Variants in ZNF99 observed in about 807,000 individuals in gnomAD.
The protein encoded by ZNF99 is zinc finger protein ENSP00000375192.
A neutral mutation model predicts 12.8 loss-of-function variants in ZNF99; 8 were observed. The ratio of observed to expected loss-of-function variants is 0.62; its 90% CI spans 0.37 to 1.13. The LOEUF is 1.13. Ranked by LOEUF, ZNF99 falls within the 50% of genes most tolerant of loss-of-function variation. The pLI is 0.02. For missense variants in ZNF99, 1,007 were observed against 1,006.2 expected (o/e 1.00, Z -0.01); for synonymous variants, 318 against 319.0 (o/e 1.00, Z 0.03).
intron 1 of ZNF99, among the ~76,000 whole-genome samples, chr19:22,783,070 G>A (rs1385455198): frequency 2.0e-5 from 3 of 151,934 alleles, no homozygotes; most frequent in Non-Finnish European, 2.9e-5. Context: ...ACCTGACGTC[G>A]GGAGTTCGAG....
In ZNF99 at chr19:22,780,807, T is replaced by C. The variant is rs76665224; in HGVS notation, c.3+3207A>G. On this transcript the variant is annotated intron_variant, in intron 1 of 3. Transcript: ENST00000596209. ...AAAGTAATAGGATACAGAATAGAGA[T>C]AGTCACTGTTACAAATTTACCCTGC... 5.7e-3 allele frequency among the ~76,000 whole-genome samples: 854 copies of C among 150,886 alleles called. 10 individuals carry two copies. The highest frequency in any genetic ancestry group is 0.017 in the African/African-American group (702 of 41,412).
rs757219597 is a variant in ZNF99, at chr19:22,757,231, T to C, written c.*83A>G. 4 of 1,588,014 alleles carry C rather than the reference T, an allele frequency of 2.5e-6. No individual in the cohort carries two copies. The highest frequency in any genetic ancestry group is 2.6e-6 in the Non-Finnish European group (3 of 1,162,586). On this transcript the variant is annotated 3_prime_UTR_variant, in exon 4 of 4. Transcript: ENST00000596209. ...TGTATGGTTTCTTCCCAGTATAAAT[T>C]ATCTTATGTTTCCTAAGGGTTGAGG...
chr19:22,758,284 C>T lies in ZNF99; in HGVS notation c.1625G>A (p.Cys542Tyr). The change falls in exon 4 of 4, where the codon TGT (cysteine) becomes TAT (tyrosine). Residue 542 changes from cysteine to tyrosine, a missense_variant. Physicochemically the swap from Cys to Tyr is radical, Grantham distance 194. Transcript: ENST00000596209. ...TGKKPYKCEE[C>Y]GKAFNNSSTL... is the part of the protein sequence containing the mutation. ...TGAGGAATTGTTAAAAGCTTTGCCA[C>T]ATTCTTCACATTTGTAGGGTTTCTT... 4 of 1,609,638 alleles carry T rather than the reference C, an allele frequency of 2.5e-6. No homozygotes were observed. The highest frequency in any genetic ancestry group is 3.4e-6 in the Non-Finnish European group (4 of 1,176,964).
intron 1 of ZNF99, among the ~76,000 whole-genome samples, chr19:22,773,046 C>G (rs1291391955): frequency 6.6e-6 from 1 of 152,176 alleles, no homozygotes; most frequent in African/African-American, 2.4e-5. Context: ...CGGCTGTTTG[C>G]TGCCCTGTGA....
intron 1 of ZNF99, among the ~76,000 whole-genome samples, chr19:22,772,979 A>G (rs1367761447): frequency 1.3e-5 from 2 of 152,152 alleles, no homozygotes; most frequent in African/African-American, 2.4e-5. Context: ...TCTGGGCCCC[A>G]TGGTCTGTGA....
rs1050799584 is a variant in ZNF99 at position 22,752,573 on chromosome 19, A to G, written c.*4741T>C. The G allele has an allele frequency of 2.6e-5, 4 of 152,146 alleles. No individual in the cohort carries two copies. The highest frequency in any genetic ancestry group is 5.9e-5 in the Non-Finnish European group (4 of 68,014). The allele number at this position is 152,146 out of a possible 1,614,324, so 9.4% of individuals were successfully genotyped here. A position where few individuals can be genotyped will look rare whatever the true frequency, so the allele number is the denominator to read the frequency against. ...ATTTGCAGGTTAAAGCCACTGAAAA[A>G]AAGAGATTACTAGAGATGTTATTCC... On this transcript the variant is annotated 3_prime_UTR_variant, in exon 4 of 4. Transcript: ENST00000596209.
At chr19:22,763,440 C>A (rs924457227) in intron 3 of ZNF99, among the ~76,000 whole-genome samples, 3 of 151,824 alleles carry the variant, frequency 2.0e-5, no homozygotes, top group Admixed American at 2.0e-4. Context: ...TAAAAGACCT[C>A]TACAAGGAAA....
At chr19:22,761,436 A>T (rs1973149848) in intron 3 of ZNF99, among the ~76,000 whole-genome samples, 1 of 152,238 alleles carries the variant, frequency 6.6e-6, no homozygotes. Context: ...CAACAGGAAC[A>T]TATCACAATC....
chr19:22,765,250 G>A (rs886361921), intron 3 of ZNF99, among the ~76,000 whole-genome samples: 6 of 152,076 alleles, frequency 3.9e-5, no homozygotes, highest in African/African-American at 1.4e-4. Context: ...ACCAAACATC[G>A]TATGTTCTCA....
At chr19:22,768,834 A>T (rs1479120947) in intron 2 of ZNF99, among the ~76,000 whole-genome samples, 3 of 152,064 alleles carry the variant, frequency 2.0e-5, no homozygotes, top group Non-Finnish European at 4.4e-5. Context: ...GGAGTTCAAG[A>T]CCAGCCTCAA....
At chr19:22,780,029 C>T (rs1973370243) in intron 1 of ZNF99, among the ~76,000 whole-genome samples, 3 of 152,152 alleles carry the variant, frequency 2.0e-5, no homozygotes, top group Admixed American at 2.0e-4. Flanking sequence ...GCCTGTGGGT[C>T]CCCAGCTTTC....
chr19:22,784,126 C>T lies in ZNF99; in HGVS notation c.-110G>A, dbSNP rs1973422611. 1.2e-5 allele frequency: 15 copies of T among 1,290,030 alleles called. No homozygotes were observed. The East Asian group carries it at 3.6e-4, about 31-fold the overall frequency. 79.9% of individuals were successfully genotyped at this position (1,290,030 alleles called of 1,614,324 possible). A position where few individuals can be genotyped will look rare whatever the true frequency, so the allele number is the denominator to read the frequency against. ...AGAGCAGTAAAAACGAGATCCGGAG[C>T]TCCAGCTGGAACCAGAAACAACGGC... On this transcript the variant is annotated 5_prime_UTR_variant, in exon 1 of 4. Transcript: ENST00000596209.
Position 22,754,531 on chromosome 19 carries a change from A to C in ZNF99, c.*2783T>G, listed in dbSNP as rs1973019648. On this transcript the variant is annotated 3_prime_UTR_variant, in exon 4 of 4. Transcript: ENST00000596209. ...TATGAATTCTCTTATATTTAGTATG[A>C]GTTGAAGACCAGTTAAAGACTTTGT... 2 of 429,818 alleles carry C rather than the reference A, an allele frequency of 4.7e-6. No homozygotes were observed. Among genetic ancestry groups the C allele is most frequent in the African/African-American group, 4.1e-5 (2 of 48,472 alleles). 26.6% of individuals were successfully genotyped at this position (429,818 alleles called of 1,614,324 possible). A position where few individuals can be genotyped will look rare whatever the true frequency, so the allele number is the denominator to read the frequency against.
chr19:22,779,849 T>C (rs1973368597), intron 1 of ZNF99, among the ~76,000 whole-genome samples: 1 of 152,232 alleles, frequency 6.6e-6, no homozygotes, highest in East Asian at 1.9e-4. Context: ...AAAGATCTTA[T>C]AGTTGGTATT....
At position 22,753,637 on chromosome 19, in the gene ZNF99, A is replaced by G. The variant is rs1230610522; in HGVS notation, c.*3677T>C. 1 of 154,074 alleles carries G rather than the reference A, an allele frequency of 6.5e-6. No individual in the cohort carries two copies. Among genetic ancestry groups the G allele is most frequent in the Non-Finnish European group, 1.4e-5 (1 of 69,260 alleles). 9.5% of individuals were successfully genotyped at this position (154,074 alleles called of 1,614,324 possible). Reference sequence around the variant, plus strand: ...TTTATATTTGTAATGTTTGTCATCAAAAGAAATACTCTTCACCATTCTAAG... The same window carrying G: ...TTTATATTTGTAATGTTTGTCATCAGAAGAAATACTCTTCACCATTCTAAG... On this transcript the variant is annotated 3_prime_UTR_variant, in exon 4 of 4. Transcript: ENST00000596209.
At chr19:22,783,329 T>C (rs1389110940) in intron 1 of ZNF99, among the ~76,000 whole-genome samples, 1 of 151,100 alleles carries the variant, frequency 6.6e-6, no homozygotes, top group Non-Finnish European at 1.5e-5. Flanking sequence ...TTTTTTTTTG[T>C]AAATTACTAC....
At chr19:22,770,177 A>G (rs1973251000) in intron 1 of ZNF99, among the ~76,000 whole-genome samples, 1 of 152,134 alleles carries the variant, frequency 6.6e-6, no homozygotes, top group Non-Finnish European at 1.5e-5. Context: ...TATTTTTCCC[A>G]GTTTTTCTGC....
At chr19:22,769,949 T>A in intron 1 of ZNF99, 1 of 1,361,134 alleles carries the variant, frequency 7.3e-7, no homozygotes. Context: ...TCATACAGAA[T>A]AAGTCTTGTA....
chr19:22,774,739 G>A (rs1032067778), intron 1 of ZNF99, among the ~76,000 whole-genome samples: 5 of 152,094 alleles, frequency 3.3e-5, no homozygotes, highest in Admixed American at 3.3e-4. Context: ...GCATGGTGGT[G>A]GGCGCCTGTA....
Sources: allele counts gnomAD v4.1 joint callset (sites outside exome capture counted in the v4.1 genomes callset), GRCh38; gene constraint gnomAD v4.1.1; transcripts MANE v1.5; gene names NCBI Gene and HGNC (gene_info 2026-07-23, HGNC 2026-07-21).